Variants in SDK2 observed in about 807,000 individuals in gnomAD.
SDK2 encodes the protein protein sidekick-2.
A neutral mutation model predicts 253.9 loss-of-function variants in SDK2; 105 were observed. The observed-to-expected ratio is 0.41, with a 90% CI of 0.35 to 0.49. SDK2 has a LOEUF of 0.49. SDK2 is among the 20% of genes least tolerant of loss of function. The pLI, the probability that SDK2 is intolerant of heterozygous loss-of-function variation, is 0.06. For missense variants in SDK2, 2,608 were observed against 3,003.0 expected (o/e 0.87, Z 3.07); for synonymous variants, 1,249 against 1,234.9 (o/e 1.01, Z -0.24).
intron 3 of SDK2, among the ~76,000 whole-genome samples, chr17:73,457,107 G>A (rs1014421571): frequency 3.3e-5 from 5 of 152,150 alleles, no homozygotes; most frequent in Middle Eastern, 3.2e-3. Flanking sequence ...ACTGTGTGTC[G>A]GAACCACCTG....
At chr17:73,622,391 T>C (rs2046143989) in intron 1 of SDK2, among the ~76,000 whole-genome samples, 1 of 152,260 alleles carries the variant, frequency 6.6e-6, no homozygotes. Context: ...CTCCTCCCTC[T>C]GTGAGTCCCT....
intron 1 of SDK2, among the ~76,000 whole-genome samples, chr17:73,581,879 C>T (rs1222735963): frequency 2.0e-5 from 3 of 152,140 alleles, no homozygotes; most frequent in African/African-American, 4.8e-5. Flanking sequence ...GGTGGTGTGG[C>T]CTATTTAGGA....
At chr17:73,402,810 T>C (rs2063039471) in intron 18 of SDK2, among the ~76,000 whole-genome samples, 1 of 152,018 alleles carries the variant, frequency 6.6e-6, no homozygotes, top group Non-Finnish European at 1.5e-5. Flanking sequence ...TTTATTTTTA[T>C]TTTTTGAGAC....
At chr17:73,413,094 C>T (rs971864934) in intron 18 of SDK2, among the ~76,000 whole-genome samples, 2 of 152,112 alleles carry the variant, frequency 1.3e-5, no homozygotes, top group African/African-American at 2.4e-5. Flanking sequence ...AGGAGGTGAG[C>T]GGCAGGCAAG....
chr17:73,344,259 G>A (rs536949321), intron 44 of SDK2, among the ~76,000 whole-genome samples: 1 of 152,198 alleles, frequency 6.6e-6, no homozygotes, highest in African/African-American at 2.4e-5. Context: ...TGTGCCACCT[G>A]TGCCCTTATA....
chr17:73,621,742 C>T (rs990255388), intron 1 of SDK2, among the ~76,000 whole-genome samples: 3 of 151,494 alleles, frequency 2.0e-5, no homozygotes, highest in Admixed American at 2.0e-4. Context: ...AAATATATAT[C>T]CATAGAAATT....
At chr17:73,381,802 G>A (rs938240074) in intron 33 of SDK2, among the ~76,000 whole-genome samples, 1 of 152,122 alleles carries the variant, frequency 6.6e-6, no homozygotes, top group Non-Finnish European at 1.5e-5. Flanking sequence ...CTACTTGGGA[G>A]GCTGGGGCAG....
At chr17:73,413,164 T>G (rs1200130746) in intron 18 of SDK2, among the ~76,000 whole-genome samples, 1 of 151,822 alleles carries the variant, frequency 6.6e-6, no homozygotes, top group East Asian at 1.9e-4. Context: ...CCACCTAAAC[T>G]CCACCTCCCA....
chr17:73,583,494 T>A (rs2045563497), intron 1 of SDK2, among the ~76,000 whole-genome samples: 1 of 152,002 alleles, frequency 6.6e-6, no homozygotes, highest in African/African-American at 2.4e-5. Flanking sequence ...CCCCACCAAA[T>A]AAAGAGAAAG....
At chr17:73,529,942 G>A (rs2064156492) in intron 1 of SDK2, among the ~76,000 whole-genome samples, 1 of 152,226 alleles carries the variant, frequency 6.6e-6, no homozygotes, top group South Asian at 2.1e-4. Context: ...TAACACGGTA[G>A]TGGGAGAGAT....
chr17:73,563,031 A>C (rs1027802084), intron 1 of SDK2, among the ~76,000 whole-genome samples: 4 of 152,170 alleles, frequency 2.6e-5, no homozygotes, highest in Admixed American at 2.6e-4. Context: ...GAGGGGAAGG[A>C]CAGCTCCGCT....
chr17:73,401,594 C>T, intron 20 of SDK2, 60 bp downstream of exon 20: 1 of 1,429,916 alleles, frequency 7.0e-7, no homozygotes, highest in Non-Finnish European at 9.7e-7. Context: ...GGGGATGGAC[C>T]AGCTCTGACC....
intron 1 of SDK2, among the ~76,000 whole-genome samples, chr17:73,619,427 G>A (rs537713614): frequency 6.6e-6 from 1 of 152,172 alleles, no homozygotes; most frequent in Non-Finnish European, 1.5e-5. Flanking sequence ...ACAGAACAGA[G>A]AGTCTATATG....
At chr17:73,575,992 A>C (rs1297741085) in intron 1 of SDK2, among the ~76,000 whole-genome samples, 1 of 152,154 alleles carries the variant, frequency 6.6e-6, no homozygotes, top group Non-Finnish European at 1.5e-5. Context: ...GCCGTGGGGG[A>C]TGACTTCAGC....
chr17:73,549,978 G>A (rs2045028580), intron 1 of SDK2, among the ~76,000 whole-genome samples: 1 of 152,082 alleles, frequency 6.6e-6, no homozygotes, highest in Non-Finnish European at 1.5e-5. Context: ...GACCGCCGGG[G>A]GTGCATAGAG....
intron 21 of SDK2, 142 bp from the exon 22 acceptor site, chr17:73,399,431 C>A: frequency 3.5e-6 from 3 of 853,602 alleles, no homozygotes; most frequent in Non-Finnish European, 1.8e-6. Flanking sequence ...GGCCCCACTC[C>A]ACCCACAGTC....
intron 2 of SDK2, among the ~76,000 whole-genome samples, chr17:73,477,681 C>T (rs934992035): frequency 6.6e-6 from 1 of 152,110 alleles, no homozygotes; most frequent in African/African-American, 2.4e-5. Context: ...AGAGGCCCTC[C>T]CCCTAGAATG....
chr17:73,452,780 A>G (rs538539420), intron 4 of SDK2, among the ~76,000 whole-genome samples: 5 of 152,188 alleles, frequency 3.3e-5, no homozygotes, highest in Non-Finnish European at 7.3e-5. Flanking sequence ...GGCAGCCACT[A>G]CCAATTGATT....
At chr17:73,382,233 A>G (rs78812804) in intron 33 of SDK2, among the ~76,000 whole-genome samples, 5 of 151,914 alleles carry the variant, frequency 3.3e-5, no homozygotes, top group African/African-American at 1.2e-4. Context: ...AAAAAAAAAA[A>G]AAGAAGAGGC....
Sources: allele counts gnomAD v4.1 joint callset (sites outside exome capture counted in the v4.1 genomes callset), GRCh38; gene constraint gnomAD v4.1.1; transcripts MANE v1.5; gene names NCBI Gene and HGNC (gene_info 2026-07-23, HGNC 2026-07-21).